Variants in OSTF1 observed in about 807,000 individuals in gnomAD.
OSTF1 encodes osteoclast stimulating factor 1.
A neutral mutation model predicts 37.2 loss-of-function variants in OSTF1; 27 were observed. The ratio of observed to expected loss-of-function variants is 0.73; its 90% confidence interval spans 0.54 to 1.00. OSTF1 has a LOEUF of 1.00. Ranked by LOEUF, OSTF1 falls within the 50% of genes least tolerant of loss-of-function variation. The pLI is 0.00. For synonymous variants in OSTF1, 82 were observed against 89.2 expected, an observed-to-expected ratio of 0.92 and a Z score of 0.46; for missense variants, 232 against 253.8, an observed-to-expected ratio of 0.91 and a Z score of 0.58.
intron 1 of OSTF1, among the ~76,000 whole-genome samples, chr9:75,109,156 G>C (rs768428680): frequency 1.3e-5 from 2 of 151,806 alleles, no homozygotes; most frequent in African/African-American, 4.8e-5. Context: ...GGGATTACAG[G>C]TGCCCGCCAA....
In OSTF1 at chr9:75,121,035, G is replaced by A. The variant is rs565665413; in HGVS notation, c.81+3485G>A. Among the ~76,000 whole-genome samples the A allele has an allele frequency of 2.0e-5, 3 of 152,312 alleles. No homozygotes were observed. The East Asian group carries it at 5.8e-4, about 29-fold the overall frequency. ...ACACAGCGTCTGAGGAAGCAGGGTA[G>A]CACTGGGTTCAGAGCCCGCACTAGG... On this transcript the variant is annotated intron_variant, in intron 2 of 9. Transcript: ENST00000346234.
chr9:75,135,094 C>T (rs772529659), intron 7 of OSTF1, among the ~76,000 whole-genome samples: 3 of 152,180 alleles, frequency 2.0e-5, no homozygotes, highest in Non-Finnish European at 4.4e-5. Flanking sequence ...GAACCCCTTC[C>T]GTTCTCTGCC....
chr9:75,124,519 A>G (rs901067334), intron 2 of OSTF1, among the ~76,000 whole-genome samples: 4 of 152,334 alleles, frequency 2.6e-5, no homozygotes, highest in South Asian at 2.1e-4. Context: ...AAGTGAGAAC[A>G]TGCGATGTTT....
At chr9:75,089,134 T>C (rs987584470) in intron 1 of OSTF1, among the ~76,000 whole-genome samples, 1 of 151,904 alleles carries the variant, frequency 6.6e-6, no homozygotes, top group Non-Finnish European at 1.5e-5. Flanking sequence ...CAAGTTAGGG[T>C]TCCTGACCGG....
chr9:75,124,459 C>CT (rs1213490130), intron 2 of OSTF1, among the ~76,000 whole-genome samples: 1 of 152,200 alleles, frequency 6.6e-6, no homozygotes, highest in African/African-American at 2.4e-5. Context: ...AGCCATACGT[C>CT]TGCTCTCTGT....
intron 9 of OSTF1, among the ~76,000 whole-genome samples, chr9:75,143,043 G>A (rs1188415860): frequency 6.6e-6 from 1 of 151,678 alleles, no homozygotes; most frequent in African/African-American, 2.4e-5. Context: ...GGGCTCAAGT[G>A]ATTCTCCTGC....
At chr9:75,095,375 T>C (rs539435227) in intron 1 of OSTF1, among the ~76,000 whole-genome samples, 2 of 152,266 alleles carry the variant, frequency 1.3e-5, no homozygotes, top group South Asian at 2.1e-4. Context: ...AAAATCTCAG[T>C]GCTTGTGATA....
chr9:75,097,755 CTT>C (rs34808461), intron 1 of OSTF1, among the ~76,000 whole-genome samples: 118 of 144,102 alleles, frequency 8.2e-4, no homozygotes, highest in Non-Finnish European at 9.4e-4. Flanking sequence ...GCCGTCCCCT[CTT>C]TTTTTTTTTT....
intron 1 of OSTF1, among the ~76,000 whole-genome samples, chr9:75,092,572 ATTTTT>A (rs1259505461): frequency 6.6e-6 from 1 of 152,084 alleles, no homozygotes; most frequent in Non-Finnish European, 1.5e-5. Flanking sequence ...TAAAAATATA[ATTTTT>A]TTATTTTTAG....
chr9:75,093,256 T>C (rs1825014965), intron 1 of OSTF1, among the ~76,000 whole-genome samples: 1 of 152,120 alleles, frequency 6.6e-6, no homozygotes, highest in South Asian at 2.1e-4. Flanking sequence ...ACATATAGCA[T>C]TTATGTTGTT....
At chr9:75,090,099 T>C (rs1824936356) in intron 1 of OSTF1, among the ~76,000 whole-genome samples, 1 of 152,256 alleles carries the variant, frequency 6.6e-6, no homozygotes, top group South Asian at 2.1e-4. Context: ...GGTAGCTTTC[T>C]AAACTCAGGT....
At chr9:75,088,812 G>A (rs1009973515) in intron 1 of OSTF1, 86 bp downstream of exon 1, 27 of 1,334,562 alleles carry the variant, frequency 2.0e-5, no homozygotes, top group Non-Finnish European at 2.5e-5. Context: ...GGAGGACCCG[G>A]CGCGCACCCG....
At chr9:75,143,995 G>A (rs1825983225) in intron 9 of OSTF1, among the ~76,000 whole-genome samples, 1 of 152,226 alleles carries the variant, frequency 6.6e-6, no homozygotes, top group South Asian at 2.1e-4. Context: ...ATAAAATAAA[G>A]AGCAGAAGTA....
intron 1 of OSTF1, among the ~76,000 whole-genome samples, chr9:75,089,247 T>A (rs537866281): frequency 1.0e-4 from 15 of 150,192 alleles, no homozygotes; most frequent in African/African-American, 3.4e-4. Context: ...CTCGGGATCT[T>A]GGGAAGAGCG....
chr9:75,115,924 C>T (rs1018562677), intron 1 of OSTF1, among the ~76,000 whole-genome samples: 7 of 151,788 alleles, frequency 4.6e-5, no homozygotes, highest in African/African-American at 1.7e-4. Flanking sequence ...GCCAACATGG[C>T]GAAACCCCAT....
intron 1 of OSTF1, among the ~76,000 whole-genome samples, chr9:75,102,839 G>A (rs764299593): frequency 3.9e-5 from 6 of 152,264 alleles, no homozygotes; most frequent in Non-Finnish European, 8.8e-5. Flanking sequence ...AATAGCCTGC[G>A]CTGATCATGA....
intron 1 of OSTF1, among the ~76,000 whole-genome samples, chr9:75,113,442 T>C (rs905274417): frequency 1.3e-5 from 2 of 152,066 alleles, no homozygotes; most frequent in African/African-American, 2.4e-5. Context: ...ATATTCTTTT[T>C]TTTTTTTCTG....
chr9:75,096,526 T>C (rs1462536676), intron 1 of OSTF1, among the ~76,000 whole-genome samples: 2 of 152,156 alleles, frequency 1.3e-5, no homozygotes, highest in Admixed American at 1.3e-4. Context: ...ATACTCATGC[T>C]AGAGGGACTG....
At chr9:75,146,376 G>T (rs1474916593) in intron 9 of OSTF1, among the ~76,000 whole-genome samples, 2 of 152,244 alleles carry the variant, frequency 1.3e-5, no homozygotes, top group Non-Finnish European at 2.9e-5. Context: ...TGTCAGAGTG[G>T]AGTGCTGCTG....
Sources: gnomAD v4.1 joint callset for allele counts (sites outside exome capture counted in the v4.1 genomes callset) on GRCh38, gnomAD v4.1.1 for gene constraint, MANE v1.5 for transcripts, NCBI Gene and HGNC (gene_info 2026-07-23, HGNC 2026-07-21) for gene names.